Variants in FBLN2 observed in about 807,000 individuals in gnomAD.
The protein encoded by FBLN2 is fibulin-2.
A neutral mutation model predicts 123.7 loss-of-function variants in FBLN2; 81 were observed. The ratio of observed to expected loss-of-function variants is 0.65; its 90% CI spans 0.55 to 0.79. The LOEUF (loss-of-function observed/expected upper bound fraction) is 0.79, where lower values mean the gene tolerates loss of function less well. Among genes scored for constraint, FBLN2 ranks in the 30% least tolerant of loss-of-function variants. The pLI is 0.00. For synonymous variants in FBLN2, 699 were observed against 701.4 expected, an observed-to-expected ratio of 1.00 and a Z score of 0.05; for missense variants, 1,603 against 1,681.3, an observed-to-expected ratio of 0.95 and a Z score of 0.81.
chr3:13,556,079 T>G (rs776067379), intron 1 of FBLN2, among the ~76,000 whole-genome samples: 3 of 152,202 alleles, frequency 2.0e-5, no homozygotes, highest in Admixed American at 1.3e-4. Flanking sequence ...TGAGACCAAG[T>G]GTCTGGCTCT....
chr3:13,601,960 G>A (rs906561578), intron 2 of FBLN2, among the ~76,000 whole-genome samples: 13 of 152,280 alleles, frequency 8.5e-5, no homozygotes, highest in Non-Finnish European at 1.6e-4. Flanking sequence ...ACCATGCCTG[G>A]TTAAATTTTT....
Position 13,609,510 on chromosome 3 carries a change from C to T in FBLN2, c.1419-3C>T. 1 of 1,542,082 alleles carries T rather than the reference C, an allele frequency of 6.5e-7. No individual in the cohort carries two copies. The highest frequency in any genetic ancestry group is 8.7e-7 in the Non-Finnish European group (1 of 1,143,420). On this transcript the variant is annotated splice_region_variant and splice_polypyrimidine_tract_variant and intron_variant, in intron 3 of 17. Transcript: ENST00000404922. ...GGGGGCTAAGTTACCCCCTCTGTTT[C>T]AGGACAGCCCAGAGGCACTGCTGTG...
At chr3:13,595,884 C>G (rs1402452944) in intron 2 of FBLN2, among the ~76,000 whole-genome samples, 3 of 151,812 alleles carry the variant, frequency 2.0e-5, no homozygotes, top group African/African-American at 7.3e-5. Flanking sequence ...GGTAAACAGT[C>G]AGTTTCCTTC....
At chr3:13,582,233 G>C (rs962374172) in intron 2 of FBLN2, among the ~76,000 whole-genome samples, 1 of 152,154 alleles carries the variant, frequency 6.6e-6, no homozygotes, top group African/African-American at 2.4e-5. Context: ...TCCTGTTCAC[G>C]CACCCAGGCC....
In FBLN2 at chr3:13,619,847, T is replaced by A; in HGVS notation, c.2155+16T>A. ...TCCTGTGAAGGTGAGTGCCTTGGGG[T>A]GCCCTCCTACCTGTGCAAACCTGAG... On this transcript the variant is annotated intron_variant, in intron 8 of 17. Transcript: ENST00000404922. 1 of 1,603,526 alleles carries A rather than the reference T, an allele frequency of 6.2e-7. No homozygotes were observed. Among genetic ancestry groups the A allele is most frequent in the Non-Finnish European group, 8.5e-7 (1 of 1,174,796 alleles).
At chr3:13,584,290 C>T (rs181507782) in intron 2 of FBLN2, among the ~76,000 whole-genome samples, 74 of 152,322 alleles carry the variant, frequency 4.9e-4, no homozygotes, top group African/African-American at 1.8e-3. Flanking sequence ...CTCTGCCACC[C>T]CTCCTGACAC....
intron 2 of FBLN2, among the ~76,000 whole-genome samples, chr3:13,596,431 G>A (rs765334820): frequency 1.3e-5 from 2 of 152,226 alleles, no homozygotes; most frequent in Non-Finnish European, 2.9e-5. Flanking sequence ...ACAAATGCAG[G>A]TGCATCAGAA....
rs1319267053 is a variant in FBLN2, at chr3:13,636,455, G to C, written c.3225G>C (p.Glu1075Asp). 6.2e-7 allele frequency: 1 copy of C among 1,613,748 alleles called. No individual in the cohort carries two copies. Among genetic ancestry groups the C allele is most frequent in the Non-Finnish European group, 8.5e-7 (1 of 1,179,784 alleles). ...CCTCTTCTCCCCCAGACGTGGATGA[G>C]TGTGCACTGGGTACCCACAACTGTT... is the stretch of plus-strand genomic sequence containing the variant. ...ANGRSCKDVD[E>D]CALGTHNCSE... Residue 1075 changes from glutamate to aspartate, a missense_variant, in exon 17 of 18, where the codon GAG (glutamate) becomes GAC (aspartate). By Grantham distance (45) the Glu-to-Asp change is conservative. Transcript: ENST00000404922.
intron 5 of FBLN2, among the ~76,000 whole-genome samples, chr3:13,615,978 A>T (rs1466840988): frequency 1.3e-5 from 2 of 152,182 alleles, no homozygotes; most frequent in East Asian, 1.9e-4. Context: ...GGCTCAGGAG[A>T]TCCTACAGGA....
At chr3:13,588,610 C>T (rs1047293467) in intron 2 of FBLN2, among the ~76,000 whole-genome samples, 9 of 152,210 alleles carry the variant, frequency 5.9e-5, no homozygotes, top group African/African-American at 1.9e-4. Flanking sequence ...TCTGAGTCAA[C>T]GCCTCCCCGG....
At chr3:13,591,488 A>G (rs1182463324) in intron 2 of FBLN2, among the ~76,000 whole-genome samples, 1 of 152,258 alleles carries the variant, frequency 6.6e-6, no homozygotes, top group Non-Finnish European at 1.5e-5. Context: ...GGGTTTCACC[A>G]TGTTGGCCAG....
chr3:13,584,335 G>A (rs866851169), intron 2 of FBLN2, among the ~76,000 whole-genome samples: 5 of 152,350 alleles, frequency 3.3e-5, no homozygotes, highest in Middle Eastern at 3.4e-3. Context: ...TGCTGGGTGA[G>A]GAGCTGGCTG....
intron 4 of FBLN2, among the ~76,000 whole-genome samples, chr3:13,610,769 G>A (rs1366281539): frequency 6.6e-6 from 1 of 152,088 alleles, no homozygotes; most frequent in Non-Finnish European, 1.5e-5. Context: ...CTGAGTTAGA[G>A]GAGTGAGAGG....
At chr3:13,622,368 G>C (rs1440784357) in intron 9 of FBLN2, among the ~76,000 whole-genome samples, 1 of 152,202 alleles carries the variant, frequency 6.6e-6, no homozygotes, top group African/African-American at 2.4e-5. Context: ...CTCTTTTGAC[G>C]ATTGTGTGAC....
At position 13,570,670 on chromosome 3, in the gene FBLN2, C is replaced by A; in HGVS notation, c.315C>A (p.Gly105=). 6.3e-7 allele frequency: 1 copy of A among 1,585,074 alleles called. No homozygotes were observed. The highest frequency in any genetic ancestry group is 2.3e-5 in the East Asian group (1 of 43,458). Reference sequence around the variant, plus strand: ...AGTGCTCCTGCCCACCAGGCGGCGGCAAGATCAGCTGCCAGTTCATGCTGT... The same window carrying A: ...AGTGCTCCTGCCCACCAGGCGGCGGAAAGATCAGCTGCCAGTTCATGCTGT... ...STECSCPPGG[G]KISCQFMLCP... The change falls in exon 2 of 18, where the codon GGC becomes GGA. Residue 105 remains glycine, a synonymous_variant. Coordinates refer to ENST00000404922, the MANE Select transcript of FBLN2 (RefSeq NM_001004019.2).
At chr3:13,568,011 A>T (rs975465216) in intron 1 of FBLN2, among the ~76,000 whole-genome samples, 1 of 152,190 alleles carries the variant, frequency 6.6e-6, no homozygotes, top group Non-Finnish European at 1.5e-5. Context: ...TCTCCCTTGC[A>T]GTCTGGAGGG....
At chr3:13,571,768 G>A in intron 2 of FBLN2, 107 bp downstream of exon 2, 1 of 1,365,340 alleles carries the variant, frequency 7.3e-7, no homozygotes, top group East Asian at 2.5e-5. Context: ...GCTGGACTGT[G>A]GGGCCAGGCC....
At chr3:13,582,751 G>A (rs553202983) in intron 2 of FBLN2, among the ~76,000 whole-genome samples, 2 of 152,366 alleles carry the variant, frequency 1.3e-5, no homozygotes, top group Admixed American at 1.3e-4. Context: ...GCGGGCTAAC[G>A]GCAGCCAGCA....
intron 8 of FBLN2, 85 bp downstream of exon 8, chr3:13,619,916 A>G: frequency 9.6e-7 from 1 of 1,047,090 alleles, no homozygotes; most frequent in Non-Finnish European, 1.4e-6. Context: ...GCTGAGACTT[A>G]AAACTTGCTG....
Sources: allele counts gnomAD v4.1 joint callset (sites outside exome capture counted in the v4.1 genomes callset), GRCh38; gene constraint gnomAD v4.1.1; transcripts MANE v1.5; gene names NCBI Gene and HGNC (gene_info 2026-07-23, HGNC 2026-07-21).